Variants in EZH2 observed in about 807,000 individuals in gnomAD.
The protein encoded by EZH2 is enhancer of zeste 2 polycomb repressive complex 2 subunit.
EZH2 carries 18 observed loss-of-function variants against 98.4 expected under a neutral mutation model. The ratio of observed to expected loss-of-function variants is 0.18; its 90% confidence interval spans 0.13 to 0.27. EZH2 has a LOEUF of 0.27. Among genes scored for constraint, EZH2 ranks in the 10% least tolerant of loss-of-function variants. EZH2 has a pLI of 1.00. For synonymous variants in EZH2, 338 were observed against 312.3 expected, an observed-to-expected ratio of 1.08 and a Z score of -0.87; for missense variants, 470 against 935.1, an observed-to-expected ratio of 0.50 and a Z score of 6.49.
intron 3 of EZH2, among the ~76,000 whole-genome samples, chr7:148,839,079 A>AGGAAGGAAGGAC (rs1811693177): frequency 6.6e-6 from 1 of 150,678 alleles, no homozygotes; most frequent in South Asian, 2.1e-4. Flanking sequence ...GAAGGAAGGA[A>AGGAAGGAAGGAC]GGAAGGAAGG....
At position 148,848,515 on chromosome 7, in the gene EZH2, TAAG is replaced by T. The variant is rs72317688; in HGVS notation, c.-7-1213_-7-1211del. On this transcript the variant is annotated intron_variant, in intron 1 of 19. Transcript: ENST00000320356. ...AACTTCATGCACAGAGAAAACTGCCTAAGAAGAAGATTTAGAGTAAGAGTCCTG... is the reference window on the plus strand; with the variant it reads ...AACTTCATGCACAGAGAAAACTGCCTAAGAAGATTTAGAGTAAGAGTCCTG... Among the ~76,000 whole-genome samples, 357 of 152,262 alleles carry T rather than the reference TAAG, an allele frequency of 2.3e-3. 3 individuals carry two copies. The highest frequency in any genetic ancestry group is 7.7e-3 in the African/African-American group (318 of 41,542).
Position 148,877,482 on chromosome 7 carries a change from C to CTAGAACACT in EZH2, c.-8+6681_-8+6682insAGTGTTCTA, listed in dbSNP as rs1283116520. Among the ~76,000 whole-genome samples, 3 of 152,042 alleles carry CTAGAACACT rather than the reference C, an allele frequency of 2.0e-5. No homozygotes were observed. The East Asian group carries it at 5.8e-4, about 29-fold the overall frequency. Reference sequence around the variant, plus strand: ...AAATCATTTATCAAACACTTTTTGCCAGGTACAGTTCTAAGGATTTCACAT... The same window carrying CTAGAACACT: ...AAATCATTTATCAAACACTTTTTGCCTAGAACACTAGGTACAGTTCTAAGGATTTCACAT... On this transcript the variant is annotated intron_variant, in intron 1 of 19. Transcript: ENST00000320356.
chr7:148,879,621 T>C (rs540444658), intron 1 of EZH2, among the ~76,000 whole-genome samples: 43 of 151,510 alleles, frequency 2.8e-4, no homozygotes, highest in Non-Finnish European at 5.8e-4. Flanking sequence ...ACCCAGGAGG[T>C]GGAGGTTGCA....
chr7:148,811,101 A>T (rs1802949091), intron 16 of EZH2, among the ~76,000 whole-genome samples: 1 of 152,118 alleles, frequency 6.6e-6, no homozygotes, highest in Non-Finnish European at 1.5e-5. Context: ...CCTAGACGAG[A>T]AAAACTAAAT....
At chr7:148,861,099 C>T (rs1817598809) in intron 1 of EZH2, among the ~76,000 whole-genome samples, 2 of 152,134 alleles carry the variant, frequency 1.3e-5, no homozygotes, top group South Asian at 4.1e-4. Context: ...TATAAAATGG[C>T]ACAGTATTTG....
chr7:148,811,583 G>T, intron 16 of EZH2, 42 bp downstream of exon 16: 1 of 1,461,090 alleles, frequency 6.8e-7, no homozygotes, highest in Non-Finnish European at 9.6e-7. Flanking sequence ...AGTAAAGTTA[G>T]TATATACAAT....
intron 3 of EZH2, among the ~76,000 whole-genome samples, chr7:148,845,523 C>T (rs1401954469): frequency 6.6e-6 from 1 of 152,202 alleles, no homozygotes; most frequent in Admixed American, 6.5e-5. Context: ...AGGATTATGT[C>T]TGTTGCTACT....
At chr7:148,824,943 A>G (rs1044360556) in intron 8 of EZH2, among the ~76,000 whole-genome samples, 6 of 152,074 alleles carry the variant, frequency 3.9e-5, no homozygotes, top group African/African-American at 1.5e-4. Context: ...GAATGAGGTA[A>G]GTAACAGGTT....
intron 3 of EZH2, among the ~76,000 whole-genome samples, chr7:148,835,423 CAA>C (rs545080861): frequency 4.3e-4 from 31 of 71,412 alleles, no homozygotes; most frequent in Admixed American, 4.8e-4. Flanking sequence ...GACCCCGCCT[CAA>C]AAAAAAAAAA....
At chr7:148,853,176 C>T (rs961010203) in intron 1 of EZH2, among the ~76,000 whole-genome samples, 3 of 152,108 alleles carry the variant, frequency 2.0e-5, no homozygotes, top group Non-Finnish European at 2.9e-5. Context: ...CTTTGGGAGG[C>T]CAAGGCAGGC....
At chr7:148,857,666 G>A (rs1269258478) in intron 1 of EZH2, among the ~76,000 whole-genome samples, 2 of 152,024 alleles carry the variant, frequency 1.3e-5, no homozygotes, top group Non-Finnish European at 2.9e-5. Context: ...CAGGAGAATT[G>A]CTTGAACCCA....
intron 9 of EZH2, 112 bp downstream of exon 9, chr7:148,819,484 T>C (rs1450030436): frequency 2.8e-5 from 22 of 772,844 alleles, no homozygotes; most frequent in Non-Finnish European, 4.4e-5. Flanking sequence ...CTGTCTATCA[T>C]ATGGCCCATA....
chr7:148,878,593 G>T (rs1237439968), intron 1 of EZH2, among the ~76,000 whole-genome samples: 1 of 152,112 alleles, frequency 6.6e-6, no homozygotes, highest in African/African-American at 2.4e-5. Context: ...ACACAAGGTG[G>T]TTCTTACAAA....
intron 1 of EZH2, among the ~76,000 whole-genome samples, chr7:148,853,124 T>G (rs1377373716): frequency 6.6e-6 from 1 of 152,072 alleles, no homozygotes; most frequent in Non-Finnish European, 1.5e-5. Context: ...ATTAGTTAGA[T>G]TCTCATAAGG....
chr7:148,829,623 T>G (rs1808764806), intron 5 of EZH2, 105 bp downstream of exon 5: 1 of 1,288,846 alleles, frequency 7.8e-7, no homozygotes, highest in African/African-American at 1.5e-5. Context: ...AGTGCAAAAC[T>G]TAATTTTAAT....
chr7:148,817,690 C>T, intron 10 of EZH2, 187 bp downstream of exon 10: 2 of 810,952 alleles, frequency 2.5e-6, no homozygotes, highest in Non-Finnish European at 1.9e-6. Flanking sequence ...GCAGGGCAAA[C>T]ACCACAAGCT....
intron 4 of EZH2, among the ~76,000 whole-genome samples, chr7:148,830,251 G>C (rs1485188233): frequency 3.9e-5 from 6 of 152,158 alleles, no homozygotes; most frequent in Admixed American, 3.3e-4. Flanking sequence ...GAACTCCTGA[G>C]CTCAAGTGAT....
chr7:148,850,912 T>A (rs1378874457), intron 1 of EZH2, among the ~76,000 whole-genome samples: 1 of 152,180 alleles, frequency 6.6e-6, no homozygotes, highest in Non-Finnish European at 1.5e-5. Context: ...AAATGAACAA[T>A]TATAACAATA....
chr7:148,840,119 G>C (rs1467659803), intron 3 of EZH2, among the ~76,000 whole-genome samples: 1 of 152,150 alleles, frequency 6.6e-6, no homozygotes, highest in South Asian at 2.1e-4. Context: ...TAAAACTTTT[G>C]AGGGTGCATT....
Sources: allele counts gnomAD v4.1 joint callset (sites outside exome capture counted in the v4.1 genomes callset), GRCh38; gene constraint gnomAD v4.1.1; transcripts MANE v1.5; gene names NCBI Gene and HGNC (gene_info 2026-07-23, HGNC 2026-07-21).